Variants in OTOF observed in about 807,000 individuals in gnomAD.
OTOF encodes otoferlin.
OTOF carries 218 observed loss-of-function variants against 236.8 expected under a neutral mutation model. That is an observed-to-expected ratio of 0.92 (90% confidence interval 0.82 to 1.03). The LOEUF is 1.03. Ranked by LOEUF, OTOF falls within the 50% of genes least tolerant of loss-of-function variation. The probability of loss-of-function intolerance (pLI) is 0.00; values close to 1 mark genes in which losing one functional copy is unlikely to be tolerated. For synonymous variants in OTOF, 1,041 were observed against 1,072.5 expected (o/e 0.97, Z 0.57); for missense variants, 2,590 against 2,694.4 (o/e 0.96, Z 0.86).
chr2:26,495,788 G>A (rs1324615991), intron 8 of OTOF, among the ~76,000 whole-genome samples: 2 of 152,188 alleles, frequency 1.3e-5, no homozygotes, highest in African/African-American at 2.4e-5. Flanking sequence ...CCCCAGCGTC[G>A]ATGGCTCTGC....
intron 1 of OTOF, among the ~76,000 whole-genome samples, chr2:26,549,636 T>C (rs989458267): frequency 1.3e-5 from 2 of 152,210 alleles, no homozygotes; most frequent in Admixed American, 6.5e-5. Context: ...GTATTTCCCC[T>C]TAACCCACCC....
intron 5 of OTOF, among the ~76,000 whole-genome samples, chr2:26,514,661 T>A (rs2148095803): frequency 6.6e-6 from 1 of 152,332 alleles, no homozygotes; most frequent in Non-Finnish European, 1.5e-5. Context: ...CAGATGTAAC[T>A]TGCTGAACCC....
At chr2:26,496,251 T>TTTTC (rs1553356695) in intron 8 of OTOF, among the ~76,000 whole-genome samples, 9 of 151,278 alleles carry the variant, frequency 5.9e-5, no homozygotes, top group African/African-American at 1.9e-4. Flanking sequence ...TTTTTTTTTT[T>TTTTC]CACACTGAGT....
intron 3 of OTOF, among the ~76,000 whole-genome samples, chr2:26,524,957 A>G (rs762231830): frequency 1.2e-4 from 19 of 152,034 alleles, no homozygotes; most frequent in Non-Finnish European, 2.6e-4. Flanking sequence ...CTGGTGCTTG[A>G]CTTCCGATTC....
chr2:26,488,938 C>T (rs1233701217), intron 11 of OTOF, among the ~76,000 whole-genome samples: 4 of 152,368 alleles, frequency 2.6e-5, no homozygotes, highest in Admixed American at 6.5e-5. Flanking sequence ...CACTCCAGAG[C>T]GTGTGATGAA....
intron 6 of OTOF, among the ~76,000 whole-genome samples, chr2:26,502,710 G>A (rs1337332025): frequency 6.6e-6 from 1 of 152,170 alleles, no homozygotes; most frequent in Non-Finnish European, 1.5e-5. Flanking sequence ...GAAGAAGGTA[G>A]GGAATAAAGA....
intron 3 of OTOF, among the ~76,000 whole-genome samples, chr2:26,520,577 G>T (rs576751164): frequency 4.6e-5 from 7 of 152,156 alleles, no homozygotes; most frequent in Non-Finnish European, 8.8e-5. Context: ...CTCTAAAGCC[G>T]AACTGGGCTT....
At chr2:26,474,858 T>C (rs1166500122) in intron 25 of OTOF, among the ~76,000 whole-genome samples, 184 bp from the exon 26 acceptor site, 9 of 151,986 alleles carry the variant, frequency 5.9e-5, no homozygotes, top group Admixed American at 5.9e-4. Flanking sequence ...AGTCAGTAAA[T>C]GGCAGATGCC....
rs532361051 is a variant in OTOF at position 26,465,997 on chromosome 2, C to T, written c.4580G>A (p.Arg1527His). 5.0e-6 allele frequency: 8 copies of T among 1,614,094 alleles called. No homozygotes were observed. The highest frequency in any genetic ancestry group is 4.5e-5 in the East Asian group (2 of 44,892). ...IAIRLGKTDI[R>H]DKENYISKQL... ...CTTGGAGATGTAGTTCTCCTTGTCGCGGATGTCAGTCTTGCCTAGCCGGAT... is the reference window on the plus strand; with the variant it reads ...CTTGGAGATGTAGTTCTCCTTGTCGTGGATGTCAGTCTTGCCTAGCCGGAT... Residue 1527 changes from arginine (R) to histidine (H), a missense_variant, in exon 37 of 47, where the codon CGC (arginine) becomes CAC (histidine). By Grantham distance (29) the Arg-to-His change is conservative. Transcript: ENST00000272371.
In OTOF at chr2:26,463,501, G is replaced by A; in HGVS notation, c.5174C>T (p.Ser1725Leu). The A allele has an allele frequency of 6.2e-7, 1 of 1,606,604 alleles. No individual in the cohort carries two copies. Among genetic ancestry groups the A allele is most frequent in the South Asian group, 1.1e-5 (1 of 89,128 alleles). Residue 1725 changes from serine to leucine, a missense_variant, in exon 41 of 47, where the codon TCA (serine) becomes TTA (leucine). Physicochemically the swap from Ser to Leu is moderately radical, Grantham distance 145 (BLOSUM62 -2). Around this residue, in one of 2 missense-constraint regions of OTOF, gnomAD observed 1,211 missense variants for 1,352.8 expected, o/e 0.90. Transcript: ENST00000272371. ...CGCTCACTTCTTGGGCTTCCGAGGT[G>A]AGATGTCCAGAGGCGTCCCAGGGGC... ...MPAPGTPLDI[S>L]PRKPKKYELR... is the part of the protein sequence containing the mutation.
chr2:26,482,069 T>C (rs1012905725), intron 14 of OTOF, among the ~76,000 whole-genome samples: 3 of 152,242 alleles, frequency 2.0e-5, no homozygotes, highest in African/African-American at 4.8e-5. Context: ...TGTAATTATA[T>C]ACAAATGCAG....
At chr2:26,516,373 C>T (rs748640588) in intron 5 of OTOF, 45 bp downstream of exon 5, 11 of 1,570,896 alleles carry the variant, frequency 7.0e-6, no homozygotes, top group East Asian at 4.5e-5. Context: ...GTCTCTTCCC[C>T]GTGTCTTGGG....
intron 13 of OTOF, 45 bp from the exon 14 acceptor site, chr2:26,482,637 G>A (rs1558490748): frequency 6.5e-6 from 10 of 1,550,304 alleles, no homozygotes; most frequent in Non-Finnish European, 8.9e-6. Flanking sequence ...ATGTGTGTGT[G>A]AGTGGGTGCA....
rs1572414957 is a variant in OTOF at position 26,470,062 on chromosome 2, C to T, written c.4023+531G>A. On this transcript the variant is annotated intron_variant, in intron 32 of 46. Transcript: ENST00000272371. This position sits in a 1 kb window ranked among gnomAD's most constrained non-coding sequence, Gnocchi z 4.3. ...GAAGAATCATTCACGTGCCGATGAC[C>T]AAGATGTGTAAAATAAAACATTATG... Among the ~76,000 whole-genome samples the T allele has an allele frequency of 6.6e-6, 1 of 152,286 alleles. No homozygotes were observed. The highest frequency in any genetic ancestry group is 1.9e-4 in the East Asian group (1 of 5,164).
chr2:26,520,432 CATCTGTGTGAGG>C (rs1666648920), intron 3 of OTOF, among the ~76,000 whole-genome samples: 1 of 152,086 alleles, frequency 6.6e-6, no homozygotes, highest in Non-Finnish European at 1.5e-5. Flanking sequence ...AAAATCTTCC[CATCTGTGTGAGG>C]GGAGGAAGTG....
Position 26,460,532 on chromosome 2 carries a change from C to T in OTOF, c.5813+115G>A. The T allele has an allele frequency of 1.2e-6, 1 of 856,054 alleles. No homozygotes were observed. Among genetic ancestry groups the T allele is most frequent in the Non-Finnish European group, 1.9e-6 (1 of 516,406 alleles). 53.0% of individuals were successfully genotyped at this position (856,054 alleles called of 1,614,324 possible). ...TTGGCAGAGGGCAGGGAGGAGGCTC[C>T]CCTGTAATGAGGCTGTGGCCCAGGA... On this transcript the variant is annotated intron_variant, in intron 45 of 46. Transcript: ENST00000272371. The surrounding 1 kb of genome is among the most constrained non-coding windows in gnomAD (Gnocchi z 5.3).
intron 1 of OTOF, among the ~76,000 whole-genome samples, chr2:26,545,825 A>G (rs1667316694): frequency 6.6e-6 from 1 of 152,140 alleles, no homozygotes; most frequent in Admixed American, 6.5e-5. Context: ...ATATGTACAG[A>G]GTTTATTTCT....
chr2:26,466,812 C>T lies in OTOF; in HGVS notation c.4402G>A (p.Val1468Met), dbSNP rs148191464. 2.1e-5 allele frequency: 34 copies of T among 1,614,104 alleles called. No individual in the cohort carries two copies. In the African/African-American group the frequency reaches 3.7e-4, roughly 18 times the overall value. Residue 1468 changes from valine (V) to methionine (M), a missense_variant, in exon 36 of 47, where the codon GTG becomes ATG. This residue lies in a region of OTOF where 1,211 missense variants were observed against 1,352.8 expected (regional missense o/e 0.90). Coordinates refer to ENST00000272371, the MANE Select transcript of OTOF (RefSeq NM_194248.3). The stretch of plus-strand genomic sequence containing the variant: ...GAGTCGTAGCCGGCTTCCCGGGACA[C>T]GTCCTCTGGGAGTGGCACTTTGTAC... ...CVYKVPLPED[V>M]SREAGYDSTY...
At chr2:26,514,762 A>G (rs1324073496) in intron 5 of OTOF, among the ~76,000 whole-genome samples, 1 of 152,092 alleles carries the variant, frequency 6.6e-6, no homozygotes, top group Non-Finnish European at 1.5e-5. Flanking sequence ...AATGGGCCTT[A>G]GCTCTCCTGA....
Sources: allele counts gnomAD v4.1 joint callset (sites outside exome capture counted in the v4.1 genomes callset), GRCh38; gene constraint gnomAD v4.1.1; regional missense constraint gnomAD v4.1.1; non-coding constraint Gnocchi (gnomAD v3.1); transcripts MANE v1.5; gene names NCBI Gene and HGNC (gene_info 2026-07-23, HGNC 2026-07-21).